LMLN: variants seen among roughly 807,000 people sequenced by gnomAD.
LMLN encodes leishmanolysin like peptidase.
In LMLN, 70 loss-of-function variants were observed where a neutral mutation model predicts 92.3. The ratio of observed to expected loss-of-function variants is 0.76; its 90% CI spans 0.63 to 0.92. The LOEUF is 0.92. LMLN is among the 40% of genes least tolerant of loss of function. LMLN has a pLI of 0.00. For missense variants in LMLN, 691 were observed against 814.6 expected, an observed-to-expected ratio of 0.85 and a Z score of 1.85; for synonymous variants, 308 against 296.2, an observed-to-expected ratio of 1.04 and a Z score of -0.41.
chr3:198,022,909 C>A (rs1297066871), intron 13 of LMLN, among the ~76,000 whole-genome samples: 1 of 152,104 alleles, frequency 6.6e-6, no homozygotes, highest in African/African-American at 2.4e-5. Context: ...AACCACTCAG[C>A]AGTTCCATAT....
chr3:197,976,476 G>A (rs1199219862), intron 4 of LMLN, 122 bp from the exon 5 acceptor site: 3 of 576,196 alleles, frequency 5.2e-6, no homozygotes, highest in South Asian at 3.0e-5. Context: ...CTACTTTCCT[G>A]ACTAAAATAG....
intron 6 of LMLN, among the ~76,000 whole-genome samples, chr3:197,982,487 A>G (rs2109868908): frequency 6.6e-6 from 1 of 152,236 alleles, no homozygotes; most frequent in East Asian, 1.9e-4. Context: ...TGGCCTCCCA[A>G]AGTGCTGGGA....
chr3:197,972,845 T>A (rs1181974952), intron 1 of LMLN, among the ~76,000 whole-genome samples: 1 of 152,218 alleles, frequency 6.6e-6, no homozygotes, highest in Non-Finnish European at 1.5e-5. Context: ...AATTTAGTGG[T>A]CAGTCAAATA....
intron 15 of LMLN, 42 bp downstream of exon 16, chr3:198,036,085 G>T: frequency 6.5e-7 from 1 of 1,533,738 alleles, no homozygotes; most frequent in Non-Finnish European, 9.0e-7. Context: ...GAAAAGTGAA[G>T]GAGGTGAACT....
rs1173402193 is a variant in LMLN, at chr3:198,019,540, T to TA, written c.1365+159dup. Among the ~76,000 whole-genome samples the TA allele has an allele frequency of 3.9e-5, 6 of 152,224 alleles. No individual in the cohort carries two copies. The highest frequency in any genetic ancestry group is 8.8e-5 in the Non-Finnish European group (6 of 68,040). On this transcript the variant is annotated intron_variant, in intron 12 of 15. Coordinates refer to ENST00000330198, the Ensembl canonical transcript of LMLN. The surrounding 1 kb of genome is among the most constrained non-coding windows in gnomAD (Gnocchi z 5.5). The stretch of plus-strand genomic sequence containing the variant: ...AAATGGAATAATGCTTCCATTTCTT[T>TA]AAAACTAATGTCCTAATTGATAGCA...
At chr3:198,036,937 T>C (rs1723250991) in intron 15 of LMLN, among the ~76,000 whole-genome samples, 1 of 152,194 alleles carries the variant, frequency 6.6e-6, no homozygotes, top group Non-Finnish European at 1.5e-5. Flanking sequence ...TGTGATGTGA[T>C]TGAAAATAGA....
chr3:198,006,990 C>G (rs1365407987), intron 11 of LMLN, among the ~76,000 whole-genome samples: 1 of 152,132 alleles, frequency 6.6e-6, no homozygotes, highest in Admixed American at 6.5e-5. Flanking sequence ...GGATTATAGG[C>G]GTGAGCCACT....
intron 9 of LMLN, among the ~76,000 whole-genome samples, chr3:197,992,618 C>T (rs1470164596): frequency 2.6e-5 from 4 of 152,098 alleles, no homozygotes; most frequent in Admixed American, 6.6e-5. Flanking sequence ...AGGTTAATAA[C>T]GAGTAATGAG....
At chr3:198,023,041 T>C (rs1722824363) in intron 13 of LMLN, among the ~76,000 whole-genome samples, 2 of 152,106 alleles carry the variant, frequency 1.3e-5, no homozygotes, top group Admixed American at 6.6e-5. Flanking sequence ...ATTATAAATA[T>C]CTGGGGCTTT....
At chr3:197,995,001 A>G (rs531975246) in intron 9 of LMLN, among the ~76,000 whole-genome samples, 4 of 152,304 alleles carry the variant, frequency 2.6e-5, no homozygotes, top group Non-Finnish European at 5.9e-5. Context: ...GTTATACACA[A>G]TTGACCCTTG....
intron 1 of LMLN, among the ~76,000 whole-genome samples, chr3:197,966,726 T>C (rs1334964949): frequency 6.6e-6 from 1 of 152,172 alleles, no homozygotes; most frequent in Non-Finnish European, 1.5e-5. Flanking sequence ...TTGGTGATGA[T>C]TTATTACCCT....
intron 7 of LMLN, among the ~76,000 whole-genome samples, chr3:197,984,617 AT>A (rs997489128): frequency 1.6e-4 from 24 of 145,486 alleles, no homozygotes; most frequent in East Asian, 2.0e-4. Context: ...CACTTGGCTA[AT>A]TTTTTTTTTT....
At chr3:197,985,691 T>A in intron 7 of LMLN, 105 bp from the exon 8 acceptor site, 1 of 644,550 alleles carries the variant, frequency 1.6e-6, no homozygotes, top group Admixed American at 2.5e-5. Context: ...AGCACTGGCG[T>A]GGTGCTTCTA....
intron 13 of LMLN, among the ~76,000 whole-genome samples, chr3:198,023,320 C>T (rs1480602557): frequency 6.6e-6 from 1 of 152,042 alleles, no homozygotes; most frequent in Non-Finnish European, 1.5e-5. Flanking sequence ...CTCCCCAGAG[C>T]CAGGACTACA....
chr3:197,976,151 T>C, intron 4 of LMLN, 40 bp downstream of exon 4: 1 of 1,223,236 alleles, frequency 8.2e-7, no homozygotes, highest in Non-Finnish European at 1.2e-6. Context: ...TTCAGCCGTT[T>C]AGTACTCTGC....
At chr3:197,985,334 A>G (rs1721674874) in intron 7 of LMLN, among the ~76,000 whole-genome samples, 1 of 151,652 alleles carries the variant, frequency 6.6e-6, no homozygotes, top group Non-Finnish European at 1.5e-5. Flanking sequence ...CTATATATAT[A>G]AGAAGGCCAA....
chr3:198,013,170 C>T (rs1581168251), intron 11 of LMLN, among the ~76,000 whole-genome samples: 1 of 124,160 alleles, frequency 8.1e-6, no homozygotes, highest in Non-Finnish European at 1.6e-5. Context: ...TCTCTCCACC[C>T]TTTAGAGCCC....
In LMLN at chr3:197,962,848, A is replaced by G. The variant is rs890525569; in HGVS notation, c.219+2408A>G. Among the ~76,000 whole-genome samples, 12 of 150,730 alleles carry G rather than the reference A, an allele frequency of 8.0e-5. No homozygotes were observed. In the Admixed American group the frequency reaches 8.0e-4, roughly 10 times the overall value. On this transcript the variant is annotated intron_variant, in intron 1 of 15. Coordinates refer to ENST00000330198, the Ensembl canonical transcript of LMLN. ...GTAATAAATATTGAAATCAGACAGT[A>G]TTGTTATTGTAAGCATTCCTGCTTT...
intron 11 of LMLN, among the ~76,000 whole-genome samples, chr3:198,002,646 G>A (rs1722206509): frequency 6.6e-6 from 1 of 152,238 alleles, no homozygotes. Context: ...GCTGAGGAAG[G>A]AGAATCACTT....
Sources: gnomAD v4.1 joint callset for allele counts (sites outside exome capture counted in the v4.1 genomes callset) on GRCh38, gnomAD v4.1.1 for gene constraint, Gnocchi (gnomAD v3.1) non-coding constraint, MANE v1.5 for transcripts, NCBI Gene and HGNC (gene_info 2026-07-23, HGNC 2026-07-21) for gene names.